The following ZFP57 variants were observed in gnomAD, a reference collection of about 807,000 sequenced individuals.
The protein encoded by ZFP57 is ZFP57 zinc finger protein, also known as zinc finger protein 57 homolog.
In ZFP57, 12 loss-of-function variants were observed where a neutral mutation model predicts 15.8. The observed-to-expected ratio is 0.76, with a 90% CI of 0.49 to 1.23. ZFP57 has a LOEUF of 1.23. ZFP57 is among the 50% of genes most tolerant of loss of function. ZFP57 has a pLI of 0.00. For missense variants in ZFP57, 536 were observed against 654.9 expected (o/e 0.82, Z 1.98); for synonymous variants, 203 against 242.3 (o/e 0.84, Z 1.51).
rs191728813 is a variant in ZFP57, at chr6:29,677,522, C to T, written c.-363-156G>A. Among the ~76,000 whole-genome samples the T allele has an allele frequency of 6.4e-4, 97 of 152,340 alleles. 1 individual carries two copies. The highest frequency in any genetic ancestry group is 8.3e-4 in the South Asian group (4 of 4,832). On this transcript the variant is annotated intron_variant, in intron 1 of 4. Transcript: ENST00000376883. ...ACAATTACTGGCCCTGTCTTAAGGA[C>T]CTAATGCAGAGATGCTAAATAATTT... is the stretch of plus-strand genomic sequence containing the variant.
chr6:29,677,823 A>G (rs1265899322), intron 1 of ZFP57, among the ~76,000 whole-genome samples: 2 of 149,648 alleles, frequency 1.3e-5, no homozygotes, highest in East Asian at 4.1e-4. Flanking sequence ...TTTTCAATAC[A>G]TGTAGTAGTT....
chr6:29,673,064 C>T lies in ZFP57; in HGVS notation c.1047G>A (p.Lys349=). ...PMAQNQASVL[K]NQAPVTRTQA... The stretch of plus-strand genomic sequence containing the variant: ...GGGTCCTGGTCACAGGTGCTTGGTT[C>T]TTAAGTACAGATGCCTGGTTCTGGG... The change falls in exon 5 of 5, where the codon AAG becomes AAA. Residue 349 remains lysine (K), a synonymous_variant. Transcript: ENST00000376883. The surrounding 1 kb of genome is among the most constrained non-coding windows in gnomAD (Gnocchi z 4.7). 6.2e-7 allele frequency: 1 copy of T among 1,612,950 alleles called. No individual in the cohort carries two copies. Among genetic ancestry groups the T allele is most frequent in the Non-Finnish European group, 8.5e-7 (1 of 1,180,022 alleles).
rs554258741 is a variant in ZFP57 at position 29,676,982 on chromosome 6, T to C, written c.22A>G (p.Ile8Val). The C allele has an allele frequency of 3.7e-6, 6 of 1,614,216 alleles. No individual in the cohort carries two copies. In the Admixed American group the frequency reaches 6.7e-5, roughly 18 times the overall value. ...GGGAGCGTCTTCTGTACAGGTTCGA[T>C]TGGCTTCAGCTGTTCAAACATCTTC... MFEQLKP[I>V]EPVQKTLPWV... Residue 8 changes from isoleucine to valine, a missense_variant, in exon 2 of 5, where the codon ATC becomes GTC. By Grantham distance (29) the Ile-to-Val change is conservative (BLOSUM62 3). Coordinates refer to ENST00000376883, the MANE Select transcript of ZFP57 (RefSeq NM_001109809.5).
chr6:29,674,734 C>A (rs568729479), intron 4 of ZFP57, among the ~76,000 whole-genome samples: 15 of 152,332 alleles, frequency 9.8e-5, no homozygotes, highest in African/African-American at 3.6e-4. Flanking sequence ...TGAAACCTAT[C>A]TCCTTTGCTT....
In ZFP57 at chr6:29,673,625, C is replaced by T. The variant is rs765599364; in HGVS notation, c.486G>A (p.Arg162=). The T allele has an allele frequency of 1.9e-6, 3 of 1,612,762 alleles. No individual in the cohort carries two copies. Among genetic ancestry groups the T allele is most frequent in the Non-Finnish European group, 2.5e-6 (3 of 1,179,942 alleles). ...PLSAPAGTMD[R]TRVLQASQAG... is the part of the protein sequence containing the mutation. ...CCTGGGATGCTTGAAGCACCCGGGT[C>T]CTGTCCATAGTCCCAGCTGGGGCAG... The change falls in exon 5 of 5, where the codon AGG becomes AGA. Residue 162 remains arginine, a synonymous_variant. Transcript: ENST00000376883. This position sits in a 1 kb window ranked among gnomAD's most constrained non-coding sequence, Gnocchi z 4.7.
At position 29,676,098 on chromosome 6, in the gene ZFP57, A is replaced by ATGTGTGTGTGTGTGTGTGTGTGTG. The variant is rs772885845; in HGVS notation, c.124-40_124-39insCACACACACACACACACACACACA. The ATGTGTGTGTGTGTGTGTGTGTGTG allele has an allele frequency of 9.9e-4, 1,280 of 1,299,232 alleles. 14 individuals carry two copies. The highest frequency in any genetic ancestry group is 6.1e-3 in the East Asian group (240 of 39,406). The allele number at this position is 1,299,232 out of a possible 1,614,324, so 80.5% of individuals were successfully genotyped here. ...AGAGACTCAAGAAGTTTATATAAAT[A>ATGTGTGTGTGTGTGTGTGTGTGTG]TATATGTGTGTGTGTGTGTGTGTGT... On this transcript the variant is annotated intron_variant, in intron 2 of 4. Transcript: ENST00000376883.
chr6:29,679,349 T>C (rs1182556477), intron 1 of ZFP57, among the ~76,000 whole-genome samples: 1 of 152,200 alleles, frequency 6.6e-6, no homozygotes, highest in Non-Finnish European at 1.5e-5. Flanking sequence ...TTTTGAGAAG[T>C]GTTAATAGAA....
chr6:29,675,831 G>T, intron 3 of ZFP57, 102 bp downstream of exon 3: 1 of 1,422,158 alleles, frequency 7.0e-7, no homozygotes, highest in Non-Finnish European at 9.9e-7. Flanking sequence ...TAGAACCAGG[G>T]GTCAGTGAAA....
rs1305373867 is a variant in ZFP57, at chr6:29,672,959, G to A, written c.1152C>T (p.Phe384=). The A allele has an allele frequency of 1.9e-6, 3 of 1,613,088 alleles. No individual in the cohort carries two copies. Among genetic ancestry groups the A allele is most frequent in the Non-Finnish European group, 2.5e-6 (3 of 1,180,040 alleles). The change falls in exon 5 of 5, where the codon TTC becomes TTT. Residue 384 remains phenylalanine, a synonymous_variant. Transcript: ENST00000376883. Reference sequence around the variant, plus strand: ...AAGTCAAAGAACAATGGGGGCAACAGAAGACATTGAGTCTTGAGGGCTTCA... The same window carrying A: ...AAGTCAAAGAACAATGGGGGCAACAAAAGACATTGAGTCTTGAGGGCTTCA... The part of the protein sequence containing the change: ...HPVKPSRLNV[F]CCPHCSLTFS...
At chr6:29,677,705 G>C (rs1406239766) in intron 1 of ZFP57, among the ~76,000 whole-genome samples, 1 of 151,768 alleles carries the variant, frequency 6.6e-6, no homozygotes, top group Non-Finnish European at 1.5e-5. Flanking sequence ...TTCTGACTTG[G>C]TTTCATCAGA....
chr6:29,680,024 G>C (rs1772263667), intron 1 of ZFP57, among the ~76,000 whole-genome samples: 1 of 152,190 alleles, frequency 6.6e-6, no homozygotes, highest in South Asian at 2.1e-4. Flanking sequence ...GAGGCGGTAG[G>C]CAGAGGCCCT....
At chr6:29,674,020 G>A (rs1376629875) in intron 4 of ZFP57, among the ~76,000 whole-genome samples, 1 of 152,008 alleles carries the variant, frequency 6.6e-6, no homozygotes, top group African/African-American at 2.4e-5. Context: ...CTCGAACCCG[G>A]GAGGCGGAGG....
rs1037202501 is a variant in ZFP57 at position 29,677,367 on chromosome 6, C to T, written c.-363-1G>A. 5 of 328,864 alleles carry T rather than the reference C, an allele frequency of 1.5e-5. No homozygotes were observed. Among genetic ancestry groups the T allele is most frequent in the Admixed American group, 4.6e-5 (1 of 21,928 alleles). 20.4% of individuals were successfully genotyped at this position (328,864 alleles called of 1,614,324 possible). A position where few individuals can be genotyped will look rare whatever the true frequency, so the allele number is the denominator to read the frequency against. ...TCTGTTCTACCCTGCTTCTAGAAAC[C>T]TGAGGTCAGAGAAAAACAAAACATA... On this transcript the variant is annotated splice_acceptor_variant, in intron 1 of 4. Transcript: ENST00000376883. LOFTEE classifies it low-confidence loss of function (5UTR_SPLICE).
At chr6:29,678,904 G>A (rs1393345521) in intron 1 of ZFP57, among the ~76,000 whole-genome samples, 4 of 152,144 alleles carry the variant, frequency 2.6e-5, no homozygotes, top group African/African-American at 9.7e-5. Context: ...GTGGTGGCAC[G>A]CTGTAGTCCC....
At position 29,672,644 on chromosome 6, in the gene ZFP57, G is replaced by A; in HGVS notation, c.1467C>T (p.Val489=). ...TCCATTCCTCCCCAGCCATAGTGGGGACATCATGAGAGAAGCCAAGCCACT... is the reference window on the plus strand; with the variant it reads ...TCCATTCCTCCCCAGCCATAGTGGGAACATCATGAGAGAAGCCAAGCCACT... ...LGQWLGFSHD[V]PTMAGEEWKH... The change falls in exon 5 of 5, where the codon GTC becomes GTT. Residue 489 remains valine (V), a synonymous_variant. Coordinates refer to ENST00000376883, the MANE Select transcript of ZFP57 (RefSeq NM_001109809.5). The A allele has an allele frequency of 6.2e-7, 1 of 1,611,010 alleles. No individual in the cohort carries two copies. The highest frequency in any genetic ancestry group is 1.3e-5 in the African/African-American group (1 of 75,006).
chr6:29,676,930 AG>A lies in ZFP57; in HGVS notation c.73del (p.Leu25CysfsTer5). ...GCAATCTCTCTTCATGGCTTCCTGC[AG>A]GGTGGCAGCTACCTCGCCCACCCAT... ...LPWVGEVAAT[L>X]QEAMKRDCWR... is the part of the protein sequence containing the mutation. On this transcript the variant is annotated frameshift_variant, in exon 2 of 5. Transcript: ENST00000376883. LOFTEE classifies it high-confidence loss of function. 6.2e-7 allele frequency: 1 copy of A among 1,614,156 alleles called. No homozygotes were observed. The highest frequency in any genetic ancestry group is 8.5e-7 in the Non-Finnish European group (1 of 1,180,022).
rs188228670 is a variant in ZFP57 at position 29,673,787 on chromosome 6, A to T, written c.353-29T>A. 7.4e-5 allele frequency: 119 copies of T among 1,612,408 alleles called. No individual in the cohort carries two copies. The East Asian group carries it at 2.5e-3, about 34-fold the overall frequency. On this transcript the variant is annotated intron_variant, in intron 4 of 4. Coordinates refer to ENST00000376883, the MANE Select transcript of ZFP57 (RefSeq NM_001109809.5). This position sits in a 1 kb window ranked among gnomAD's most constrained non-coding sequence, Gnocchi z 4.7. ...CAGTGAATGAGGAAGAATAACACAA[A>T]ATTCACTGTAAGAACTCCAACAGAG...
intron 2 of ZFP57, 63 bp from the exon 3 acceptor site, chr6:29,676,122 G>GTGTGTGTGTGTGTGTGTGTGTA: frequency 6.7e-7 from 1 of 1,486,790 alleles, no homozygotes; most frequent in Non-Finnish European, 9.3e-7. Flanking sequence ...GTGTGTGTGT[G>GTGTGTGTGTGTGTGTGTGTGTA]TGTACAAGAT....
At chr6:29,676,599 G>A (rs1772091918) in intron 2 of ZFP57, among the ~76,000 whole-genome samples, 1 of 150,252 alleles carries the variant, frequency 6.7e-6, no homozygotes, top group African/African-American at 2.4e-5. Flanking sequence ...AGAAAGATAA[G>A]ATGTGGGGGA....
Sources: gnomAD v4.1 joint callset for allele counts (sites outside exome capture counted in the v4.1 genomes callset) on GRCh38, gnomAD v4.1.1 for gene constraint, Gnocchi (gnomAD v3.1) non-coding constraint, MANE v1.5 for transcripts, NCBI Gene and HGNC (gene_info 2026-07-23, HGNC 2026-07-21) for gene names.